STARD13: variants seen among roughly 807,000 people sequenced by gnomAD.
The protein encoded by STARD13 is StAR related lipid transfer domain containing 13.
STARD13 carries 62 observed loss-of-function variants against 106.4 expected under a neutral mutation model. The ratio of observed to expected loss-of-function variants is 0.58; its 90% CI spans 0.48 to 0.72. The LOEUF (loss-of-function observed/expected upper bound fraction) is 0.72. STARD13 is among the 30% of genes least tolerant of loss of function. STARD13 has a pLI of 0.00. For synonymous variants in STARD13, 565 were observed against 553.0 expected, an observed-to-expected ratio of 1.02 and a Z score of -0.31; for missense variants, 1,387 against 1,424.0, an observed-to-expected ratio of 0.97 and a Z score of 0.42.
At chr13:33,206,803 T>C (rs1020162525) in intron 1 of STARD13, among the ~76,000 whole-genome samples, 1 of 152,196 alleles carries the variant, frequency 6.6e-6, no homozygotes, top group African/African-American at 2.4e-5. Context: ...TATCAGTGAG[T>C]GGAGGCCACA....
At chr13:33,209,376 T>A (rs568823387) in intron 1 of STARD13, among the ~76,000 whole-genome samples, 1 of 152,080 alleles carries the variant, frequency 6.6e-6, no homozygotes, top group Admixed American at 6.5e-5. Context: ...ACTACCCATA[T>A]TGGGGACCTA....
intron 3 of STARD13, among the ~76,000 whole-genome samples, chr13:33,155,184 A>G (rs1419406862): frequency 6.6e-6 from 1 of 150,504 alleles, no homozygotes; most frequent in Non-Finnish European, 1.5e-5. Context: ...CCCACCCAAC[A>G]CCTCAGCCCA....
At chr13:33,600,894 C>G in the STARD13 span, among the ~76,000 whole-genome samples, 1 of 144,180 alleles carries the variant, frequency 6.9e-6, no homozygotes, top group Non-Finnish European at 1.5e-5. Context: ...GATCCTAAAA[C>G]TTGTGTTTGC....
intron 10 of STARD13, among the ~76,000 whole-genome samples, 183 bp from the exon 11 acceptor site, chr13:33,111,090 C>T (rs773806683): frequency 5.9e-5 from 9 of 152,248 alleles, no homozygotes; most frequent in Non-Finnish European, 8.8e-5. Flanking sequence ...TCAGGAAATA[C>T]AAACATGTTT....
intron 1 of STARD13, among the ~76,000 whole-genome samples, chr13:33,267,397 A>C (rs1890948554): frequency 6.6e-6 from 1 of 152,140 alleles, no homozygotes; most frequent in South Asian, 2.1e-4. Flanking sequence ...CAACAACAAC[A>C]ACAACCCAAC....
At chr13:33,580,839 A>G in the STARD13 span, among the ~76,000 whole-genome samples, 2 of 152,296 alleles carry the variant, frequency 1.3e-5, no homozygotes, top group Admixed American at 1.3e-4. Flanking sequence ...GAAAACATAC[A>G]TATATATTTG....
chr13:33,471,271 T>C, the STARD13 span, among the ~76,000 whole-genome samples: 1 of 152,200 alleles, frequency 6.6e-6, no homozygotes, highest in Non-Finnish European at 1.5e-5. Context: ...GCCCTAGCCA[T>C]GTAGCCACAT....
chr13:33,638,222 T>C, the STARD13 span, among the ~76,000 whole-genome samples: 1 of 152,196 alleles, frequency 6.6e-6, no homozygotes, highest in Admixed American at 6.5e-5. Flanking sequence ...CCCAGGGTAG[T>C]TGGGCTACAG....
At chr13:33,567,493 C>T in the STARD13 span, among the ~76,000 whole-genome samples, 9 of 148,072 alleles carry the variant, frequency 6.1e-5, no homozygotes, top group African/African-American at 1.2e-4. Flanking sequence ...AATGGCCAAA[C>T]GTACACATTT....
intron 1 of STARD13, among the ~76,000 whole-genome samples, chr13:33,197,129 T>C (rs887475278): frequency 2.0e-5 from 3 of 152,196 alleles, no homozygotes; most frequent in African/African-American, 4.8e-5. Flanking sequence ...TTTTCACACA[T>C]GGCACACACG....
the STARD13 span, among the ~76,000 whole-genome samples, chr13:33,551,568 CCTTTTTTTT>C: frequency 8.9e-5 from 4 of 44,784 alleles, no homozygotes; most frequent in Non-Finnish European, 1.3e-4. Context: ...TTTGCTTTTC[CCTTTTTTTT>C]TTTTTTTTTT....
chr13:33,254,508 G>T (rs991247821), intron 1 of STARD13, among the ~76,000 whole-genome samples: 2 of 152,146 alleles, frequency 1.3e-5, no homozygotes, highest in Admixed American at 6.5e-5. Context: ...ATACCAGGGG[G>T]TGATTCCCCG....
rs1889727257 is a variant in STARD13 at position 33,244,540 on chromosome 13, G to A, written c.169+40930C>T. ...AAGAAGAGCCCTCAAATCTGGGTTT[G>A]GCCATGCCACTTGTTTTGACCAACA... On this transcript the variant is annotated intron_variant, in intron 1 of 13. Coordinates refer to ENST00000336934, the MANE Select transcript of STARD13 (RefSeq NM_178006.4). Among the ~76,000 whole-genome samples the A allele has an allele frequency of 2.0e-5, 3 of 152,112 alleles. No individual in the cohort carries two copies. In the South Asian group the frequency reaches 6.3e-4, roughly 32 times the overall value.
chr13:33,575,894 GC>G, the STARD13 span, among the ~76,000 whole-genome samples: 1 of 152,070 alleles, frequency 6.6e-6, no homozygotes, highest in African/African-American at 2.4e-5. Flanking sequence ...AATTTGCAAA[GC>G]CCCTCTCCCT....
upstream of STARD13, chr13:33,350,829 A>G (rs1262599156): frequency 5.4e-6 from 1 of 183,662 alleles, no homozygotes; most frequent in African/African-American, 2.5e-5. Context: ...CCCCCCACTC[A>G]AGGAGCTTCC....
At chr13:33,186,021 A>AT (rs1162716280) in intron 1 of STARD13, 2 of 1,614,066 alleles carry the variant, frequency 1.2e-6, no homozygotes, top group African/African-American at 2.7e-5. Context: ...GGGTTCCAGC[A>AT]TGGAGGTTCA....
intron 1 of STARD13, among the ~76,000 whole-genome samples, chr13:33,297,605 TAAA>T (rs59944626): frequency 6.9e-6 from 1 of 145,052 alleles, no homozygotes; most frequent in African/African-American, 2.5e-5. Context: ...TTTTGAAAAT[TAAA>T]AAAAAAAAAG....
At chr13:33,148,793 T>C (rs891668654) in intron 3 of STARD13, among the ~76,000 whole-genome samples, 1 of 152,242 alleles carries the variant, frequency 6.6e-6, no homozygotes, top group African/African-American at 2.4e-5. Flanking sequence ...AGCTTTTTCA[T>C]AATTTTCAAA....
At chr13:33,140,786 G>A (rs1055350396) in intron 4 of STARD13, among the ~76,000 whole-genome samples, 13 of 147,394 alleles carry the variant, frequency 8.8e-5, no homozygotes, top group Admixed American at 4.0e-4. Context: ...TTTTTGAGGC[G>A]GAGTCTCTCT....
Sources: gnomAD v4.1 joint callset for allele counts (sites outside exome capture counted in the v4.1 genomes callset) on GRCh38, gnomAD v4.1.1 for gene constraint, MANE v1.5 for transcripts, NCBI Gene and HGNC (gene_info 2026-07-23, HGNC 2026-07-21) for gene names.